Variants in THSD7B observed in about 807,000 individuals in gnomAD.
The protein encoded by THSD7B is thrombospondin type-1 domain-containing protein 7B.
A neutral mutation model predicts 213.6 loss-of-function variants in THSD7B; 138 were observed. The ratio of observed to expected loss-of-function variants is 0.65; its 90% CI spans 0.56 to 0.74. THSD7B has a LOEUF of 0.74. Among genes scored for constraint, THSD7B ranks in the 30% least tolerant of loss-of-function variants. The probability of loss-of-function intolerance (pLI) is 0.00; values close to 1 mark genes in which losing one functional copy is unlikely to be tolerated. For missense variants in THSD7B, 1,931 were observed against 1,991.5 expected, an observed-to-expected ratio of 0.97 and a Z score of 0.58; for synonymous variants, 742 against 687.0, an observed-to-expected ratio of 1.08 and a Z score of -1.25.
At chr2:137,179,787 T>G (rs573755604) in intron 7 of THSD7B, among the ~76,000 whole-genome samples, 1 of 152,258 alleles carries the variant, frequency 6.6e-6, no homozygotes, top group African/African-American at 2.4e-5. Flanking sequence ...GTTACCTTGA[T>G]GGTAATTTGC....
intron 5 of THSD7B, among the ~76,000 whole-genome samples, chr2:137,120,840 A>G (rs1485103116): frequency 1.3e-5 from 2 of 152,248 alleles, no homozygotes; most frequent in African/African-American, 4.8e-5. Flanking sequence ...TAGAAGAGTT[A>G]GTGAAAGTAA....
chr2:137,508,543 A>G (rs1263846117), intron 15 of THSD7B, among the ~76,000 whole-genome samples: 1 of 132,400 alleles, frequency 7.6e-6, no homozygotes, highest in Non-Finnish European at 1.6e-5. Flanking sequence ...TGCCCGGCTA[A>G]TTTTTTTTTT....
intron 1 of THSD7B, among the ~76,000 whole-genome samples, chr2:136,835,865 A>G (rs1018644069): frequency 6.6e-6 from 1 of 152,220 alleles, no homozygotes; most frequent in African/African-American, 2.4e-5. Context: ...GAAAGAACAC[A>G]GGGGTTTGAG....
rs370672487 is a variant in THSD7B, at chr2:136,782,586, AG to A, written c.-36+16900del. 4.1e-3 allele frequency among the ~76,000 whole-genome samples: 624 copies of A among 152,196 alleles called. 6 individuals are homozygous for A. The highest frequency in any genetic ancestry group is 0.013 in the South Asian group (62 of 4,814). The stretch of plus-strand genomic sequence containing the variant: ...TGAAATTATGTTATGCTCTAGAAGT[AG>A]AGAGTAGAATGGTGGTTACCTGAGG... On this transcript the variant is annotated intron_variant, in intron 1 of 27. Transcript: ENST00000409968.
At chr2:137,610,995 A>G (rs1682278095) in intron 17 of THSD7B, among the ~76,000 whole-genome samples, 2 of 144,984 alleles carry the variant, frequency 1.4e-5, no homozygotes, top group South Asian at 4.3e-4. Context: ...AAGTATAATA[A>G]TAATAATAAT....
intron 15 of THSD7B, among the ~76,000 whole-genome samples, chr2:137,471,077 G>T (rs976637009): frequency 6.6e-6 from 1 of 151,728 alleles, no homozygotes. Context: ...TTGCCACCAC[G>T]CCTGGCTAAT....
intron 3 of THSD7B, among the ~76,000 whole-genome samples, chr2:137,077,542 AT>A (rs1360357733): frequency 1.3e-5 from 2 of 151,954 alleles, no homozygotes; most frequent in African/African-American, 4.8e-5. Context: ...ATGGTATCTC[AT>A]TGTGGTTTTG....
chr2:137,233,713 C>T lies in THSD7B; in HGVS notation c.2150+580C>T, dbSNP rs149799008. On this transcript the variant is annotated intron_variant, in intron 9 of 27. Transcript: ENST00000409968. ...GGAAACTAGGATATAGATGTCAAAA[C>T]GATCAAGAACAACTGCAAATGATTG... 2.4e-3 allele frequency among the ~76,000 whole-genome samples: 368 copies of T among 152,130 alleles called. 4 individuals carry two copies. The highest frequency in any genetic ancestry group is 7.7e-3 in the African/African-American group (320 of 41,492).
chr2:137,517,362 A>G (rs959764633), intron 15 of THSD7B, among the ~76,000 whole-genome samples: 1 of 152,238 alleles, frequency 6.6e-6, no homozygotes, highest in Admixed American at 6.5e-5. Context: ...TTACTGGTAA[A>G]TCATTTGCAT....
At chr2:137,057,818 A>G (rs1558902995) in intron 3 of THSD7B, among the ~76,000 whole-genome samples, 1 of 152,218 alleles carries the variant, frequency 6.6e-6, no homozygotes, top group Non-Finnish European at 1.5e-5. Context: ...AGTAATTAGA[A>G]TGACGTACTG....
intron 12 of THSD7B, among the ~76,000 whole-genome samples, chr2:137,302,363 A>G (rs1263429690): frequency 6.6e-6 from 1 of 152,134 alleles, no homozygotes; most frequent in African/African-American, 2.4e-5. Flanking sequence ...CATCAAGAGA[A>G]GGAAATGTTT....
At chr2:137,342,363 C>G (rs1684780659) in intron 12 of THSD7B, among the ~76,000 whole-genome samples, 2 of 147,528 alleles carry the variant, frequency 1.4e-5, no homozygotes, top group Admixed American at 6.9e-5. Flanking sequence ...TATCCTGAAA[C>G]TTTTTGTATT....
intron 2 of THSD7B, among the ~76,000 whole-genome samples, chr2:136,949,467 T>C (rs558419182): frequency 6.6e-6 from 1 of 152,190 alleles, no homozygotes; most frequent in East Asian, 1.9e-4. Flanking sequence ...TTTCGGAGGG[T>C]TGTTTGTTGC....
intron 6 of THSD7B, among the ~76,000 whole-genome samples, chr2:137,167,501 C>T (rs1436427038): frequency 1.3e-5 from 2 of 152,112 alleles, no homozygotes; most frequent in African/African-American, 4.8e-5. Flanking sequence ...CATGTGTACA[C>T]TTCTGATCCA....
chr2:137,078,271 C>CT (rs1443234462), intron 3 of THSD7B, among the ~76,000 whole-genome samples: 1 of 152,096 alleles, frequency 6.6e-6, no homozygotes, highest in Non-Finnish European at 1.5e-5. Flanking sequence ...ATGCCTCCAG[C>CT]TTTGTTCTTT....
At chr2:137,237,997 ACTCTTTCT>A (rs1681806338) in intron 9 of THSD7B, among the ~76,000 whole-genome samples, 1 of 152,132 alleles carries the variant, frequency 6.6e-6, no homozygotes, top group African/African-American at 2.4e-5. Flanking sequence ...AGGGAATGAT[ACTCTTTCT>A]CTCTTTCAGA....
intron 15 of THSD7B, among the ~76,000 whole-genome samples, chr2:137,559,401 A>G (rs763143600): frequency 1.4e-4 from 21 of 152,204 alleles, no homozygotes; most frequent in Non-Finnish European, 1.6e-4. Flanking sequence ...GCCCTCAGAG[A>G]TAATACCACA....
rs1266296565 is a variant in THSD7B, at chr2:137,642,545, G to T, written c.3857G>T (p.Cys1286Phe). 6.2e-7 allele frequency: 1 copy of T among 1,613,832 alleles called. No individual in the cohort carries two copies. The highest frequency in any genetic ancestry group is 8.5e-7 in the Non-Finnish European group (1 of 1,179,836). The change falls in exon 21 of 28, where the codon TGC (cysteine) becomes TTC (phenylalanine). Residue 1286 changes from cysteine (C) to phenylalanine (F), a missense_variant. Coordinates refer to ENST00000409968, the MANE Select transcript of THSD7B (RefSeq NM_001316349.2). ...IMPTQGEGRP[C>F]PTELTQEKTC... ...CCAACCCAAGGAGAAGGACGGCCAT[G>T]CCCCACAGAGCTTACCCAGGAGAAA...
intron 1 of THSD7B, among the ~76,000 whole-genome samples, chr2:136,872,267 G>A (rs1423749426): frequency 6.6e-6 from 1 of 151,972 alleles, no homozygotes; most frequent in African/African-American, 2.4e-5. Flanking sequence ...TCTCCATTCT[G>A]TCTTCCTTAG....
Sources: gnomAD v4.1 joint callset for allele counts (sites outside exome capture counted in the v4.1 genomes callset) on GRCh38, gnomAD v4.1.1 for gene constraint, MANE v1.5 for transcripts, NCBI Gene and HGNC (gene_info 2026-07-23, HGNC 2026-07-21) for gene names.